Variants in OGFOD1 observed in about 807,000 individuals in gnomAD.
The protein encoded by OGFOD1 is prolyl 3-hydroxylase OGFOD1.
In OGFOD1, 54 loss-of-function variants were observed where a neutral mutation model predicts 67.7. The observed-to-expected ratio is 0.80, with a 90% CI of 0.64 to 1.00. The LOEUF (loss-of-function observed/expected upper bound fraction) is 1.00, where lower values mean the gene tolerates loss of function less well. Ranked by LOEUF, OGFOD1 falls within the 50% of genes least tolerant of loss-of-function variation. The pLI is 0.00. For synonymous variants in OGFOD1, 221 were observed against 227.0 expected, an observed-to-expected ratio of 0.97 and a Z score of 0.24; for missense variants, 606 against 646.7, an observed-to-expected ratio of 0.94 and a Z score of 0.68.
chr16:56,462,472 A>G (rs1962742936), intron 3 of OGFOD1, 62 bp from the exon 4 acceptor site: 2 of 1,015,632 alleles, frequency 2.0e-6, no homozygotes, highest in Admixed American at 1.8e-5. Context: ...CCTAGATCCA[A>G]ACAGTTGTGA....
rs181095853 is a variant in OGFOD1 at position 56,475,526 on chromosome 16, C to G, written c.1428C>G (p.Gly476=). Reference sequence around the variant, plus strand: ...TGTAAGGCTGGGAGCCAGAATATGGCGGTTTTACTTCTTACATTGCCAAAG... The same window carrying G: ...TGTAAGGCTGGGAGCCAGAATATGGGGGTTTTACTTCTTACATTGCCAAAG... ...CGCEGWEPEY[G]GFTSYIAKGE... The change falls in exon 12 of 13, where the codon GGC becomes GGG. Residue 476 remains glycine (G), a synonymous_variant. Coordinates refer to ENST00000566157, the MANE Select transcript of OGFOD1 (RefSeq NM_018233.4). 1.9e-6 allele frequency: 3 copies of G among 1,613,762 alleles called. No individual in the cohort carries two copies.
rs771058694 is a variant in OGFOD1 at position 56,475,055 on chromosome 16, C to G, written c.1408+105C>G. On this transcript the variant is annotated intron_variant, in intron 11 of 12. Transcript: ENST00000566157. Reference sequence around the variant, plus strand: ...CAATTCATAAGTAATTTGCCTAGTTCAGAATCTCACATCATGGGATCTCAA... The same window carrying G: ...CAATTCATAAGTAATTTGCCTAGTTGAGAATCTCACATCATGGGATCTCAA... The G allele has an allele frequency of 1.6e-5, 19 of 1,157,916 alleles. No individual in the cohort carries two copies. In the African/African-American group the frequency reaches 2.3e-4, roughly 14 times the overall value. The allele number at this position is 1,157,916 out of a possible 1,614,324, so 71.7% of individuals were successfully genotyped here.
chr16:56,473,801 A>G (rs1455778108), intron 10 of OGFOD1, among the ~76,000 whole-genome samples: 1 of 151,162 alleles, frequency 6.6e-6, no homozygotes, highest in Non-Finnish European at 1.5e-5. Flanking sequence ...TACATATAGG[A>G]GTATTAACCT....
intron 10 of OGFOD1, among the ~76,000 whole-genome samples, chr16:56,473,476 G>A (rs774323137): frequency 6.6e-6 from 1 of 152,116 alleles, no homozygotes; most frequent in Admixed American, 6.6e-5. Flanking sequence ...AGAAGTACAG[G>A]TGATACATCA....
At position 56,474,850 on chromosome 16, in the gene OGFOD1, AGG is replaced by A; in HGVS notation, c.1311_1312del (p.Glu438ThrfsTer14). The A allele has an allele frequency of 6.2e-7, 1 of 1,612,896 alleles. No homozygotes were observed. Among genetic ancestry groups the A allele is most frequent in the Non-Finnish European group, 8.5e-7 (1 of 1,179,332 alleles). ...KKESSVPMCQ[G>X]ELRHWKTGHY... Reference sequence around the variant, plus strand: ...TAGAATCAAGTGTTCCCATGTGCCAAGGGGAACTGAGGCATTGGAAGACCGGT... The same window carrying A: ...TAGAATCAAGTGTTCCCATGTGCCAAGGAACTGAGGCATTGGAAGACCGGT... On this transcript the variant is annotated frameshift_variant, in exon 11 of 13. Transcript: ENST00000566157. LOFTEE classifies it high-confidence loss of function.
In OGFOD1 at chr16:56,467,293, T is replaced by A; in HGVS notation, c.786T>A (p.Asp262Glu). 1 of 1,614,108 alleles carries A rather than the reference T, an allele frequency of 6.2e-7. No homozygotes were observed. Among genetic ancestry groups the A allele is most frequent in the Non-Finnish European group, 8.5e-7 (1 of 1,179,988 alleles). ...PIPRSPHIPQ[D>E]HEILYDWINP... ...CTCGGAGCCCTCACATCCCACAAGA[T>A]GTAAGAAGAATTGCTGATATCCTTA... The change falls in exon 7 of 13, where the codon GAT (aspartate) becomes GAA (glutamate). Residue 262 changes from aspartate to glutamate, a missense_variant and splice_region_variant. Coordinates refer to ENST00000566157, the MANE Select transcript of OGFOD1 (RefSeq NM_018233.4).
chr16:56,477,352 C>G lies in OGFOD1; in HGVS notation c.*1147C>G, dbSNP rs1261599166. On this transcript the variant is annotated 3_prime_UTR_variant, in exon 13 of 13. Transcript: ENST00000566157. ...GTAGTATTATTCCCTTGGAAAGGGT[C>G]TGGCCTACCATCACATGCCCCAAGA... The G allele has an allele frequency of 6.6e-6, 1 of 152,172 alleles. No individual in the cohort carries two copies. 9.4% of individuals were successfully genotyped at this position (152,172 alleles called of 1,614,324 possible).
chr16:56,468,789 C>T (rs1963016958), intron 8 of OGFOD1, among the ~76,000 whole-genome samples: 1 of 151,614 alleles, frequency 6.6e-6, no homozygotes, highest in African/African-American at 2.4e-5. Flanking sequence ...GTTTTACTAA[C>T]CTGGGCAGAT....
intron 4 of OGFOD1, among the ~76,000 whole-genome samples, chr16:56,465,396 A>G (rs1313128332): frequency 6.6e-6 from 1 of 152,232 alleles, no homozygotes; most frequent in African/African-American, 2.4e-5. Flanking sequence ...GGTTCATTCT[A>G]GATTTCTGCA....
At chr16:56,475,324 C>G (rs1963408658) in intron 11 of OGFOD1, among the ~76,000 whole-genome samples, 183 bp from the exon 12 acceptor site, 2 of 152,174 alleles carry the variant, frequency 1.3e-5, no homozygotes, top group African/African-American at 2.4e-5. Context: ...GGAAATTAGG[C>G]ATTTAGGGGA....
At chr16:56,473,641 T>C (rs913514633) in intron 10 of OGFOD1, among the ~76,000 whole-genome samples, 3 of 152,218 alleles carry the variant, frequency 2.0e-5, no homozygotes, top group Non-Finnish European at 4.4e-5. Context: ...TAGGTGGAAA[T>C]GGCATTCGCC....
rs369101951 is a variant in OGFOD1, at chr16:56,476,421, CT to C, written c.*228del. 0.085 allele frequency: 23,236 copies of C among 273,696 alleles called. 2 individuals are homozygous for C. Among genetic ancestry groups the C allele is most frequent in the Middle Eastern group, 0.12 (116 of 956 alleles). The allele number at this position is 273,696 out of a possible 1,614,324, so 17.0% of individuals were successfully genotyped here. A position where few individuals can be genotyped will look rare whatever the true frequency, so the allele number is the denominator to read the frequency against. Reference sequence around the variant, plus strand: ...CTCTTGATTAAAAAAAAAAAGTTGGCTTTTTTTTTTTTAACATTTAGTCCTT... The same window carrying C: ...CTCTTGATTAAAAAAAAAAAGTTGGCTTTTTTTTTTTAACATTTAGTCCTT... On this transcript the variant is annotated 3_prime_UTR_variant, in exon 13 of 13. Transcript: ENST00000566157.
At chr16:56,473,217 A>G (rs1963286512) in intron 10 of OGFOD1, among the ~76,000 whole-genome samples, 1 of 152,170 alleles carries the variant, frequency 6.6e-6, no homozygotes, top group East Asian at 1.9e-4. Context: ...GGAGTGAGCC[A>G]CCACGCCTGG....
At chr16:56,468,561 G>GA (rs1488592245) in intron 8 of OGFOD1, among the ~76,000 whole-genome samples, 1 of 151,822 alleles carries the variant, frequency 6.6e-6, no homozygotes, top group East Asian at 1.9e-4. Flanking sequence ...ATCTCTACTA[G>GA]AAAAAATAAC....
At chr16:56,458,463 G>C (rs748649464) in intron 2 of OGFOD1, 85 bp from the exon 3 acceptor site, 1 of 1,212,714 alleles carries the variant, frequency 8.2e-7, no homozygotes, top group South Asian at 1.2e-5. Flanking sequence ...ACAATGCTAG[G>C]ACCAGAACAC....
intron 10 of OGFOD1, among the ~76,000 whole-genome samples, chr16:56,473,166 A>G (rs1963284201): frequency 6.6e-6 from 1 of 152,034 alleles, no homozygotes; most frequent in Non-Finnish European, 1.5e-5. Context: ...TCTTGACCTC[A>G]TGATCCGCCC....
Position 56,476,294 on chromosome 16 carries a change from A to C in OGFOD1, c.*89A>C, listed in dbSNP as rs1314011678. The C allele has an allele frequency of 8.0e-7, 1 of 1,250,362 alleles. No individual in the cohort carries two copies. The highest frequency in any genetic ancestry group is 1.1e-6 in the Non-Finnish European group (1 of 900,358). The allele number at this position is 1,250,362 out of a possible 1,614,324, so 77.5% of individuals were successfully genotyped here. A position where few individuals can be genotyped will look rare whatever the true frequency, so the allele number is the denominator to read the frequency against. On this transcript the variant is annotated 3_prime_UTR_variant, in exon 13 of 13. Coordinates refer to ENST00000566157, the MANE Select transcript of OGFOD1 (RefSeq NM_018233.4). Reference sequence around the variant, plus strand: ...TAAGCATGGAGTCAAGGAGAACTACATGGTAGCTTGCCTGACAGTGTTCTT... The same window carrying C: ...TAAGCATGGAGTCAAGGAGAACTACCTGGTAGCTTGCCTGACAGTGTTCTT...
At chr16:56,470,856 T>C (rs1963138727) in intron 10 of OGFOD1, 65 bp downstream of exon 10, 1 of 1,426,590 alleles carries the variant, frequency 7.0e-7, no homozygotes, top group South Asian at 1.5e-5. Flanking sequence ...CATGTATTCA[T>C]TCAACAAACA....
chr16:56,474,478 G>T (rs967385961), intron 10 of OGFOD1, among the ~76,000 whole-genome samples: 1 of 151,752 alleles, frequency 6.6e-6, no homozygotes, highest in African/African-American at 2.4e-5. Flanking sequence ...GCACTACCAC[G>T]CCTGGCTAAT....
Sources: allele counts gnomAD v4.1 joint callset (sites outside exome capture counted in the v4.1 genomes callset), GRCh38; gene constraint gnomAD v4.1.1; transcripts MANE v1.5; gene names NCBI Gene and HGNC (gene_info 2026-07-23, HGNC 2026-07-21).